The following VPS41 variants were observed in gnomAD, a reference collection of about 807,000 sequenced individuals.
VPS41 encodes vacuolar protein sorting-associated protein 41 homolog.
VPS41 carries 85 observed loss-of-function variants against 130.9 expected under a neutral mutation model. That is an observed-to-expected ratio of 0.65 (90% confidence interval 0.55 to 0.78). VPS41 has a LOEUF of 0.78. VPS41 is among the 30% of genes least tolerant of loss of function. VPS41 has a pLI of 0.00. For missense variants in VPS41, 874 were observed against 1,018.7 expected, an observed-to-expected ratio of 0.86 and a Z score of 1.93; for synonymous variants, 335 against 332.9, an observed-to-expected ratio of 1.01 and a Z score of -0.07.
chr7:38,812,242 A>T (rs1323224139), intron 7 of VPS41, among the ~76,000 whole-genome samples: 1 of 152,046 alleles, frequency 6.6e-6, no homozygotes, highest in Middle Eastern at 3.2e-3. Context: ...CCAGAAATAA[A>T]CCCTAACATT....
At chr7:38,824,555 A>G (rs1341045945) in intron 5 of VPS41, among the ~76,000 whole-genome samples, 4 of 152,228 alleles carry the variant, frequency 2.6e-5, no homozygotes, top group Non-Finnish European at 5.9e-5. Context: ...TCTAAATCCT[A>G]TTCTTCTACA....
intron 9 of VPS41, among the ~76,000 whole-genome samples, chr7:38,790,605 A>G (rs867115505): frequency 6.6e-6 from 1 of 152,216 alleles, no homozygotes; most frequent in Non-Finnish European, 1.5e-5. Flanking sequence ...GCATTGTATC[A>G]GGTGTTATAA....
intron 9 of VPS41, among the ~76,000 whole-genome samples, chr7:38,791,305 G>A (rs910780219): frequency 6.6e-6 from 1 of 152,188 alleles, no homozygotes; most frequent in Non-Finnish European, 1.5e-5. Context: ...ATGGACAACT[G>A]TTTTAATGTG....
chr7:38,889,559 C>CA (rs200201294), intron 2 of VPS41, among the ~76,000 whole-genome samples: 4 of 120,146 alleles, frequency 3.3e-5, no homozygotes, highest in South Asian at 2.8e-4. Context: ...CAAAACAAAA[C>CA]AAAAAAAAAA....
At chr7:38,870,456 A>G (rs1232674762) in intron 2 of VPS41, among the ~76,000 whole-genome samples, 1 of 152,192 alleles carries the variant, frequency 6.6e-6, no homozygotes, top group Non-Finnish European at 1.5e-5. Flanking sequence ...TAACTCCCTT[A>G]GAGTTCTGAC....
intron 7 of VPS41, 73 bp from the exon 8 acceptor site, chr7:38,796,937 T>G: frequency 6.4e-7 from 1 of 1,572,690 alleles, no homozygotes; most frequent in South Asian, 1.1e-5. Context: ...CTTACTAGTT[T>G]TACCTATCCT....
At chr7:38,889,746 T>C (rs1470565212) in intron 2 of VPS41, among the ~76,000 whole-genome samples, 1 of 152,022 alleles carries the variant, frequency 6.6e-6, no homozygotes, top group Non-Finnish European at 1.5e-5. Flanking sequence ...GGCTTAGAAC[T>C]TCAAAAAGGA....
chr7:38,907,268 C>A (rs751946605), intron 1 of VPS41, among the ~76,000 whole-genome samples: 1 of 152,054 alleles, frequency 6.6e-6, no homozygotes, highest in Admixed American at 6.6e-5. Context: ...ACAGCATGAG[C>A]AAAGAGGCCC....
Position 38,724,732 on chromosome 7 carries a change from T to TG in VPS41, c.*1513_*1514insC, listed in dbSNP as rs752654227. On this transcript the variant is annotated 3_prime_UTR_variant, in exon 29 of 29. Transcript: ENST00000310301. ...CCTCAGCCTCCTGAGTAGCTGGGAT[T>TG]ACAGGCATGTACCACCACGCCTGGC... 1 of 152,584 alleles carries TG rather than the reference T, an allele frequency of 6.6e-6. No homozygotes were observed. The highest frequency in any genetic ancestry group is 1.5e-5 in the Non-Finnish European group (1 of 68,406). 9.5% of individuals were successfully genotyped at this position (152,584 alleles called of 1,614,324 possible). A position where few individuals can be genotyped will look rare whatever the true frequency, so the allele number is the denominator to read the frequency against.
At chr7:38,754,598 C>A (rs1783752006) in intron 21 of VPS41, 104 bp downstream of exon 21, 5 of 895,306 alleles carry the variant, frequency 5.6e-6, no homozygotes, top group Admixed American at 2.4e-5. Context: ...GGAATATTAA[C>A]CTCCTTGAAG....
chr7:38,859,748 G>A (rs1786063362), intron 4 of VPS41, among the ~76,000 whole-genome samples: 1 of 152,088 alleles, frequency 6.6e-6, no homozygotes, highest in Non-Finnish European at 1.5e-5. Context: ...ACTGTTAAAC[G>A]ACGCATGATT....
At chr7:38,862,185 T>A (rs77937156) in intron 4 of VPS41, among the ~76,000 whole-genome samples, 1 of 152,124 alleles carries the variant, frequency 6.6e-6, no homozygotes, top group African/African-American at 2.4e-5. Context: ...ACATTCTACA[T>A]TGTCACAATT....
chr7:38,768,087 T>G (rs973617973), intron 14 of VPS41, among the ~76,000 whole-genome samples: 34 of 152,286 alleles, frequency 2.2e-4, no homozygotes, highest in African/African-American at 7.7e-4. Flanking sequence ...TGATATGAGC[T>G]CAGAAAAACC....
intron 2 of VPS41, among the ~76,000 whole-genome samples, chr7:38,887,936 A>G (rs1786770874): frequency 1.3e-5 from 2 of 152,226 alleles, no homozygotes; most frequent in Non-Finnish European, 1.5e-5. Flanking sequence ...ACTAAGCTTC[A>G]TAAGTAAAGG....
chr7:38,866,163 TA>T (rs1786224375), intron 3 of VPS41, among the ~76,000 whole-genome samples: 1 of 152,142 alleles, frequency 6.6e-6, no homozygotes, highest in Admixed American at 6.6e-5. Flanking sequence ...GCACCACACT[TA>T]TGGCAGAAAG....
At chr7:38,732,283 A>AT (rs1795680511) in intron 25 of VPS41, among the ~76,000 whole-genome samples, 1 of 152,138 alleles carries the variant, frequency 6.6e-6, no homozygotes, top group Non-Finnish European at 1.5e-5. Context: ...TATGGAACTG[A>AT]TTTTCATCTC....
intron 25 of VPS41, among the ~76,000 whole-genome samples, chr7:38,731,386 C>T (rs1471418744): frequency 6.6e-6 from 1 of 152,166 alleles, no homozygotes. Flanking sequence ...GAAAAATGTG[C>T]TGTTGTTCAC....
chr7:38,833,145 G>A (rs1001780725), intron 4 of VPS41, among the ~76,000 whole-genome samples: 1 of 152,230 alleles, frequency 6.6e-6, no homozygotes, highest in East Asian at 1.9e-4. Context: ...CTCTTCTGAT[G>A]AAATTTATTC....
intron 2 of VPS41, among the ~76,000 whole-genome samples, chr7:38,897,799 T>C (rs886566735): frequency 7.2e-5 from 11 of 152,228 alleles, no homozygotes; most frequent in Admixed American, 7.2e-4. Flanking sequence ...GATGTTAAAG[T>C]GTTGAGATAA....
Sources: allele counts gnomAD v4.1 joint callset (sites outside exome capture counted in the v4.1 genomes callset), GRCh38; gene constraint gnomAD v4.1.1; transcripts MANE v1.5; gene names NCBI Gene and HGNC (gene_info 2026-07-23, HGNC 2026-07-21).